LINGO2: variants seen among roughly 807,000 people sequenced by gnomAD.
LINGO2 encodes leucine-rich repeat and immunoglobulin-like domain-containing nogo receptor-interacting protein 2.
In LINGO2, 14 loss-of-function variants were observed where a neutral mutation model predicts 30.6. That is an observed-to-expected ratio of 0.46 (90% confidence interval 0.30 to 0.72). The LOEUF is 0.72. Among genes scored for constraint, LINGO2 ranks in the 30% least tolerant of loss-of-function variants. The pLI is 0.07. For missense variants in LINGO2, 729 were observed against 751.7 expected, an observed-to-expected ratio of 0.97 and a Z score of 0.35; for synonymous variants, 317 against 288.5, an observed-to-expected ratio of 1.10 and a Z score of -1.00.
the LINGO2 span, among the ~76,000 whole-genome samples, chr9:29,178,828 T>C: frequency 6.6e-6 from 1 of 151,882 alleles, no homozygotes; most frequent in Non-Finnish European, 1.5e-5. Flanking sequence ...TTATCACAAT[T>C]AAAAACCAGA....
intron 1 of LINGO2, among the ~76,000 whole-genome samples, chr9:28,636,587 T>C (rs1180487179): frequency 6.6e-6 from 1 of 152,224 alleles, no homozygotes; most frequent in Non-Finnish European, 1.5e-5. Context: ...AGGATAAGCA[T>C]ATTTTCATTG....
chr9:29,124,133 C>G, the LINGO2 span, among the ~76,000 whole-genome samples: 1 of 152,020 alleles, frequency 6.6e-6, no homozygotes, highest in African/African-American at 2.4e-5. Context: ...TGATCTTTGA[C>G]AAATCTGACA....
rs1233005435 is a variant in LINGO2, at chr9:28,277,852, A to AC, written c.-87+17355_-87+17356insG. Among the ~76,000 whole-genome samples the AC allele has an allele frequency of 4.0e-5, 6 of 150,306 alleles. No homozygotes were observed. In the South Asian group the frequency reaches 6.3e-4, roughly 16 times the overall value. On this transcript the variant is annotated intron_variant, in intron 4 of 5. Coordinates refer to ENST00000379992, the Ensembl canonical transcript of LINGO2. ...CAAAACAAAACAAAAAAAAAAAACAAAAAAAAAAACAACTAGAAATGATCG... is the reference window on the plus strand; with the variant it reads ...CAAAACAAAACAAAAAAAAAAAACAACAAAAAAAAACAACTAGAAATGATCG...
chr9:28,159,466 CA>C (rs1828226284), intron 4 of LINGO2, among the ~76,000 whole-genome samples: 1 of 151,636 alleles, frequency 6.6e-6, no homozygotes, highest in African/African-American at 2.4e-5. Flanking sequence ...TTTTCATTGA[CA>C]AATAATACTT....
chr9:29,077,520 A>T, the LINGO2 span, among the ~76,000 whole-genome samples: 2 of 152,056 alleles, frequency 1.3e-5, no homozygotes, highest in East Asian at 3.8e-4. Context: ...ACATTCAACG[A>T]ATATTTACTG....
At chr9:28,676,018 G>A in the LINGO2 span, among the ~76,000 whole-genome samples, 5 of 149,284 alleles carry the variant, frequency 3.3e-5, no homozygotes, top group Non-Finnish European at 7.4e-5. Flanking sequence ...AAATCTAGCT[G>A]TTTCAATTAA....
intron 3 of LINGO2, among the ~76,000 whole-genome samples, chr9:28,341,635 T>C (rs1825768286): frequency 6.6e-6 from 1 of 152,186 alleles, no homozygotes; most frequent in South Asian, 2.1e-4. Context: ...AAATGGATAA[T>C]AGTTATTAAG....
In LINGO2 at chr9:28,571,243, A is replaced by C. The variant is rs561626691; in HGVS notation, c.-364-95218T>G. Reference sequence around the variant, plus strand: ...TTTTAAAGCCTTATATGTAAACCAGAACAGTCAATTTCCTAAGAACTACTG... The same window carrying C: ...TTTTAAAGCCTTATATGTAAACCAGCACAGTCAATTTCCTAAGAACTACTG... On this transcript the variant is annotated intron_variant, in intron 1 of 5. Transcript: ENST00000379992. Among the ~76,000 whole-genome samples, 16 of 152,148 alleles carry C rather than the reference A, an allele frequency of 1.1e-4. No individual in the cohort carries two copies. The South Asian group carries it at 3.1e-3, about 30-fold the overall frequency.
intron 4 of LINGO2, among the ~76,000 whole-genome samples, chr9:28,237,119 G>GA (rs1359738176): frequency 1.3e-5 from 1 of 75,718 alleles, no homozygotes; most frequent in African/African-American, 4.1e-5. Context: ...AAACAGTGCG[G>GA]GGGGGGGGTA....
the LINGO2 span, among the ~76,000 whole-genome samples, chr9:28,947,490 A>G: frequency 6.6e-6 from 1 of 152,098 alleles, no homozygotes; most frequent in East Asian, 1.9e-4. Context: ...ACTGACTAAC[A>G]TAAATAATGT....
the LINGO2 span, among the ~76,000 whole-genome samples, chr9:28,875,869 T>G: frequency 6.6e-6 from 1 of 152,164 alleles, no homozygotes; most frequent in South Asian, 2.1e-4. Flanking sequence ...TTCCTGGTCC[T>G]AATGCTTAAT....
intron 4 of LINGO2, among the ~76,000 whole-genome samples, chr9:28,211,946 T>TA (rs942447374): frequency 6.6e-6 from 1 of 151,266 alleles, no homozygotes; most frequent in African/African-American, 2.4e-5. Context: ...TTTTATCGAT[T>TA]ACTTTCAGTG....
At chr9:28,030,721 A>G (rs1336381257) in intron 4 of LINGO2, among the ~76,000 whole-genome samples, 1 of 152,188 alleles carries the variant, frequency 6.6e-6, no homozygotes, top group Non-Finnish European at 1.5e-5. Flanking sequence ...ATTTGAAATA[A>G]AATTCTAACA....
the LINGO2 span, among the ~76,000 whole-genome samples, chr9:28,717,685 G>C: frequency 7.7e-3 from 1,169 of 151,938 alleles, 20 homozygotes; most frequent in African/African-American, 0.027. Context: ...TTATAAAGTA[G>C]GCAAATATTT....
At chr9:28,562,360 C>T in intron 1 of LINGO2, among the ~76,000 whole-genome samples, 1 of 148,146 alleles carries the variant, frequency 6.8e-6, no homozygotes, top group East Asian at 2.0e-4. Flanking sequence ...AACTCTCCCA[C>T]ATAACCATCT....
At chr9:28,941,672 A>G in the LINGO2 span, among the ~76,000 whole-genome samples, 1 of 152,158 alleles carries the variant, frequency 6.6e-6, no homozygotes, top group East Asian at 1.9e-4. Flanking sequence ...GACTATTTTT[A>G]CACTCCCATA....
At chr9:28,761,823 T>C in the LINGO2 span, among the ~76,000 whole-genome samples, 2 of 151,966 alleles carry the variant, frequency 1.3e-5, no homozygotes, top group Non-Finnish European at 2.9e-5. Context: ...GTGTGACAAA[T>C]GGTGATGTCA....
the LINGO2 span, among the ~76,000 whole-genome samples, chr9:29,057,749 C>T: frequency 6.0e-4 from 92 of 152,168 alleles, no homozygotes; most frequent in African/African-American, 2.1e-3. Flanking sequence ...GGCTTCGGAT[C>T]GAAAGCAACT....
At chr9:27,984,276 C>T (rs1821023103) in intron 5 of LINGO2, among the ~76,000 whole-genome samples, 1 of 151,848 alleles carries the variant, frequency 6.6e-6, no homozygotes, top group African/African-American at 2.4e-5. Flanking sequence ...CAACCATTGG[C>T]TTCATCTTCT....
Sources: allele counts gnomAD v4.1 joint callset (sites outside exome capture counted in the v4.1 genomes callset), GRCh38; gene constraint gnomAD v4.1.1; transcripts MANE v1.5; gene names NCBI Gene and HGNC (gene_info 2026-07-23, HGNC 2026-07-21).